CDCA2: variants seen among roughly 807,000 people sequenced by gnomAD.
The protein encoded by CDCA2 is cell division cycle associated 2, also known as cell division cycle-associated protein 2.
A neutral mutation model predicts 67.0 loss-of-function variants in CDCA2; 44 were observed. The observed-to-expected ratio is 0.66, with a 90% confidence interval of 0.52 to 0.84. CDCA2 has a LOEUF of 0.84. CDCA2 is among the 40% of genes least tolerant of loss of function. The pLI is 0.00. For synonymous variants in CDCA2, 447 were observed against 418.7 expected (o/e 1.07, Z -0.82); for missense variants, 1,253 against 1,203.2 (o/e 1.04, Z -0.61).
At chr8:25,460,923 G>A (rs1802658017) in intron 3 of CDCA2, among the ~76,000 whole-genome samples, 1 of 152,112 alleles carries the variant, frequency 6.6e-6, no homozygotes, top group African/African-American at 2.4e-5. Context: ...GAAAGTTTAA[G>A]AGCAATTAAG....
chr8:25,507,860 T>C lies in CDCA2; in HGVS notation c.*122T>C. The C allele has an allele frequency of 1.0e-6, 1 of 1,000,874 alleles. No individual in the cohort carries two copies. The allele number at this position is 1,000,874 out of a possible 1,614,324, so 62.0% of individuals were successfully genotyped here. A position where few individuals can be genotyped will look rare whatever the true frequency, so the allele number is the denominator to read the frequency against. On this transcript the variant is annotated 3_prime_UTR_variant, in exon 15 of 15. Transcript: ENST00000330560. ...CAAAAGTTCCTAATAAATAAACTCATTTGAGTTGAACCTACTTTTATGTAG... is the reference window on the plus strand; with the variant it reads ...CAAAAGTTCCTAATAAATAAACTCACTTGAGTTGAACCTACTTTTATGTAG...
intron 4 of CDCA2, among the ~76,000 whole-genome samples, chr8:25,464,028 T>A (rs1253865737): frequency 6.6e-6 from 1 of 152,212 alleles, no homozygotes; most frequent in Admixed American, 6.5e-5. Flanking sequence ...GCCAGCACTT[T>A]TAGGGACTCA....
At position 25,459,306 on chromosome 8, in the gene CDCA2, G is replaced by A. The variant is rs141240299; in HGVS notation, c.-168G>A. On this transcript the variant is annotated 5_prime_UTR_variant, in exon 1 of 15. Transcript: ENST00000330560. ...AGTCCAGGTCAGCCGTCGGGACCTCGGGCTCCGGGTTCGAAGAGCGGCTCC... is the reference window on the plus strand; with the variant it reads ...AGTCCAGGTCAGCCGTCGGGACCTCAGGCTCCGGGTTCGAAGAGCGGCTCC... The A allele has an allele frequency of 4.3e-3, 661 of 152,466 alleles. 4 individuals carry two copies. Among genetic ancestry groups the A allele is most frequent in the Non-Finnish European group, 6.7e-3 (460 of 68,152 alleles). 9.4% of individuals were successfully genotyped at this position (152,466 alleles called of 1,614,324 possible).
chr8:25,465,817 A>G (rs1239947554), intron 4 of CDCA2, among the ~76,000 whole-genome samples: 1 of 152,204 alleles, frequency 6.6e-6, no homozygotes, highest in Non-Finnish European at 1.5e-5. Flanking sequence ...TACCTGTGAC[A>G]CAAGCACCAT....
intron 10 of CDCA2, among the ~76,000 whole-genome samples, chr8:25,485,277 T>C (rs1803729511): frequency 6.6e-6 from 1 of 151,458 alleles, no homozygotes; most frequent in Non-Finnish European, 1.5e-5. Flanking sequence ...CTGAGCAAAA[T>C]GGTAATAAAA....
In CDCA2 at chr8:25,506,373, G is replaced by C. The variant is rs533570594; in HGVS notation, c.1844-137G>C. 103 of 703,802 alleles carry C rather than the reference G, an allele frequency of 1.5e-4. 1 individual carries two copies. In the Middle Eastern group the frequency reaches 3.1e-3, roughly 21 times the overall value. The allele number at this position is 703,802 out of a possible 1,614,324, so 43.6% of individuals were successfully genotyped here. ...GAGGAGGAGGATGACAGAAGGGCAA[G>C]CACAGTGTAACATTTGTGGGTCTTG... On this transcript the variant is annotated intron_variant, in intron 14 of 14. Transcript: ENST00000330560.
chr8:25,491,868 G>A (rs1804017780), intron 13 of CDCA2, among the ~76,000 whole-genome samples: 1 of 151,840 alleles, frequency 6.6e-6, no homozygotes, highest in Admixed American at 6.6e-5. Flanking sequence ...CATGATCTTG[G>A]CTCACCACAA....
At chr8:25,502,147 G>A (rs1050075637) in intron 13 of CDCA2, among the ~76,000 whole-genome samples, 1 of 151,966 alleles carries the variant, frequency 6.6e-6, no homozygotes, top group Non-Finnish European at 1.5e-5. Context: ...TGCCCACCTC[G>A]GCCTCCCAAA....
At chr8:25,500,084 A>G (rs1804412381) in intron 13 of CDCA2, among the ~76,000 whole-genome samples, 1 of 152,164 alleles carries the variant, frequency 6.6e-6, no homozygotes, top group Non-Finnish European at 1.5e-5. Context: ...CCATGAAAAA[A>G]CAGAAATTTA....
chr8:25,468,441 A>C, intron 6 of CDCA2, 28 bp downstream of exon 6: 1 of 1,585,514 alleles, frequency 6.3e-7, no homozygotes, highest in Non-Finnish European at 8.6e-7. Flanking sequence ...CGCATAGGAA[A>C]ATGAAGTTGT....
intron 14 of CDCA2, among the ~76,000 whole-genome samples, chr8:25,505,960 C>G (rs981415892): frequency 6.6e-6 from 1 of 152,126 alleles, no homozygotes. Flanking sequence ...AATATTGAAA[C>G]AAACCTGGTT....
At position 25,460,535 on chromosome 8, in the gene CDCA2, C is replaced by T. The variant is rs1401144583; in HGVS notation, c.213C>T (p.Ser71=). 4 of 1,613,722 alleles carry T rather than the reference C, an allele frequency of 2.5e-6. No homozygotes were observed. The highest frequency in any genetic ancestry group is 2.5e-6 in the Non-Finnish European group (3 of 1,179,930). Residue 71 remains serine (S), a synonymous_variant, in exon 3 of 15, where the codon AGC becomes AGT. Transcript: ENST00000330560. ...TVEQLGITPE[S]FVRNSAGKSS... ...AGCAATTGGGAATTACACCTGAAAG[C>T]TTTGTTAGGAACTCTGCAGGTAAGA...
chr8:25,478,888 G>GTATATATATATATATATATATATA (rs71511103), intron 7 of CDCA2, among the ~76,000 whole-genome samples: 14 of 111,584 alleles, frequency 1.3e-4, no homozygotes, highest in African/African-American at 5.2e-4. Flanking sequence ...TTGTGTGTGT[G>GTATATATATATATATATATATATA]TATATATATA....
intron 12 of CDCA2, 59 bp from the exon 13 acceptor site, chr8:25,488,493 G>T: frequency 6.8e-7 from 1 of 1,469,402 alleles, no homozygotes; most frequent in South Asian, 1.4e-5. Flanking sequence ...AGTGAGAGCA[G>T]CACATTAACA....
chr8:25,462,716 G>T (rs961584350), intron 4 of CDCA2, among the ~76,000 whole-genome samples: 2 of 152,094 alleles, frequency 1.3e-5, no homozygotes, highest in Non-Finnish European at 2.9e-5. Context: ...GATCTCAGTT[G>T]CCCAGGCTGG....
intron 13 of CDCA2, among the ~76,000 whole-genome samples, chr8:25,502,005 C>A (rs548445132): frequency 1.2e-4 from 19 of 152,322 alleles, no homozygotes; most frequent in African/African-American, 3.8e-4. Context: ...TCATGCAATT[C>A]TCCTGCCTCA....
Position 25,468,225 on chromosome 8 carries a change from G to A in CDCA2, c.547G>A (p.Glu183Lys), listed in dbSNP as rs1337520801. Residue 183 changes from glutamate (E) to lysine (K), a missense_variant, in exon 6 of 15, where the codon GAA becomes AAA. Glu to Lys is a moderately conservative substitution (Grantham distance 56, BLOSUM62 1). Coordinates refer to ENST00000330560, the MANE Select transcript of CDCA2 (RefSeq NM_152562.4). The stretch of plus-strand genomic sequence containing the variant: ...TTATTTTGTGTTTATAGCCAGAAAG[G>A]AAGGTCTCAGCGCTTGCCAGCAGTC... The part of the protein sequence containing the change: ...ESEMTDLTRK[E>K]GLSACQQSGF... 1.9e-6 allele frequency: 3 copies of A among 1,577,282 alleles called. No individual in the cohort carries two copies. Among genetic ancestry groups the A allele is most frequent in the Non-Finnish European group, 2.6e-6 (3 of 1,159,914 alleles).
intron 4 of CDCA2, 142 bp downstream of exon 4, chr8:25,462,350 G>A: frequency 2.2e-6 from 2 of 897,286 alleles, no homozygotes; most frequent in Non-Finnish European, 1.7e-6. Flanking sequence ...TTAGCGGCCG[G>A]GCGCGGTGGC....
At chr8:25,476,846 G>A (rs527917109) in intron 7 of CDCA2, among the ~76,000 whole-genome samples, 1 of 152,134 alleles carries the variant, frequency 6.6e-6, no homozygotes, top group South Asian at 2.1e-4. Context: ...GAGCCACCAC[G>A]CCTGGCCTCT....
Sources: gnomAD v4.1 joint callset for allele counts (sites outside exome capture counted in the v4.1 genomes callset) on GRCh38, gnomAD v4.1.1 for gene constraint, MANE v1.5 for transcripts, NCBI Gene and HGNC (gene_info 2026-07-23, HGNC 2026-07-21) for gene names.